The following PCDHA4 variants were observed in gnomAD, a reference collection of about 807,000 sequenced individuals.
The protein encoded by PCDHA4 is protocadherin alpha-4.
Under a neutral mutation model 61.4 loss-of-function variants are expected in PCDHA4, and 49 were observed. The ratio of observed to expected loss-of-function variants is 0.80; its 90% CI spans 0.63 to 1.01. The LOEUF is 1.01. Ranked by LOEUF, PCDHA4 falls within the 50% of genes least tolerant of loss-of-function variation. The pLI is 0.00. For synonymous variants in PCDHA4, 590 were observed against 550.3 expected, an observed-to-expected ratio of 1.07 and a Z score of -1.01; for missense variants, 1,254 against 1,235.8, an observed-to-expected ratio of 1.01 and a Z score of -0.22.
Position 140,870,951 on chromosome 5 carries a change from C to T in PCDHA4, c.2385+61379C>T, listed in dbSNP as rs781985952. 6 of 1,613,558 alleles carry T rather than the reference C, an allele frequency of 3.7e-6. No individual in the cohort carries two copies. The Admixed American group carries it at 1.0e-4, about 27-fold the overall frequency. ...ATGAATTGCAGCCGGCGGCGGGCGGCTCGCGCATCCCGTTCCGCGTGGGGC... is the reference window on the plus strand; with the variant it reads ...ATGAATTGCAGCCGGCGGCGGGCGGTTCGCGCATCCCGTTCCGCGTGGGGC... On this transcript the variant is annotated intron_variant, in intron 1 of 3. Transcript: ENST00000530339.
intron 1 of PCDHA4, chr5:140,877,824 A>G (rs1554170141): frequency 1.9e-6 from 3 of 1,602,118 alleles, no homozygotes; most frequent in Non-Finnish European, 2.6e-6. Flanking sequence ...AAGATTGTTT[A>G]AATCCTCCCA....
intron 3 of PCDHA4, among the ~76,000 whole-genome samples, chr5:140,994,821 T>C (rs2097651680): frequency 6.6e-6 from 1 of 152,052 alleles, no homozygotes. Flanking sequence ...AAAAACTGAA[T>C]TGTGTAGTCT....
chr5:140,894,375 T>A (rs1246573357), intron 1 of PCDHA4, among the ~76,000 whole-genome samples: 1 of 152,054 alleles, frequency 6.6e-6, no homozygotes, highest in African/African-American at 2.4e-5. Flanking sequence ...ATGGCTCCAA[T>A]TATATTTGTA....
intron 1 of PCDHA4, chr5:140,927,791 G>C: frequency 6.2e-7 from 1 of 1,614,196 alleles, no homozygotes; most frequent in Admixed American, 1.7e-5. Context: ...GCTTCACTAG[G>C]TCCGCCTGAA....
At chr5:140,971,895 T>C (rs1554233682) in intron 1 of PCDHA4, among the ~76,000 whole-genome samples, 2 of 151,872 alleles carry the variant, frequency 1.3e-5, no homozygotes, top group Non-Finnish European at 2.9e-5. Context: ...TCAGGGAGGT[T>C]AGGTAATCTA....
intron 1 of PCDHA4, chr5:140,830,680 T>C (rs2150188813): frequency 4.9e-5 from 17 of 346,496 alleles, no homozygotes; most frequent in African/African-American, 3.6e-4. Context: ...TAGAAATCAC[T>C]GTCCACAATC....
intron 1 of PCDHA4, chr5:140,823,879 G>A (rs1307861296): frequency 1.2e-6 from 2 of 1,613,898 alleles, no homozygotes; most frequent in African/African-American, 1.3e-5. Flanking sequence ...CCTGATCATC[G>A]CCATCTGTGC....
chr5:140,911,953 G>T (rs1554195050), intron 1 of PCDHA4, among the ~76,000 whole-genome samples: 1 of 152,094 alleles, frequency 6.6e-6, no homozygotes, highest in Non-Finnish European at 1.5e-5. Context: ...TAAAGGGGAG[G>T]TTACTAAGGA....
At chr5:140,849,620 C>T in intron 1 of PCDHA4, 2 of 1,598,618 alleles carry the variant, frequency 1.3e-6, no homozygotes, top group Non-Finnish European at 1.7e-6. Flanking sequence ...TTAGTGTGAT[C>T]GACCTAGACG....
chr5:140,950,685 A>T (rs947460709), intron 1 of PCDHA4, among the ~76,000 whole-genome samples: 3 of 152,082 alleles, frequency 2.0e-5, no homozygotes, highest in Non-Finnish European at 4.4e-5. Context: ...GTATATTGTT[A>T]ACCAAATTTG....
chr5:140,912,322 G>A (rs1050946341), intron 1 of PCDHA4, among the ~76,000 whole-genome samples: 10 of 149,938 alleles, frequency 6.7e-5, no homozygotes, highest in African/African-American at 1.7e-4. Flanking sequence ...TTGACCCTCA[G>A]TATTAACCAG....
intron 1 of PCDHA4, among the ~76,000 whole-genome samples, chr5:140,837,663 C>A (rs1159426304): frequency 6.6e-6 from 1 of 150,710 alleles, no homozygotes; most frequent in Non-Finnish European, 1.5e-5. Context: ...CTTTTTCTTT[C>A]ATTCTTTTTC....
At chr5:140,927,558 T>C (rs1554204736) in intron 1 of PCDHA4, 1 of 1,614,144 alleles carries the variant, frequency 6.2e-7, no homozygotes, top group East Asian at 2.2e-5. Context: ...TCACCATCAT[T>C]GTGGTGGACA....
chr5:140,832,192 A>C (rs1239863320), intron 1 of PCDHA4, among the ~76,000 whole-genome samples: 1 of 152,208 alleles, frequency 6.6e-6, no homozygotes, highest in East Asian at 1.9e-4. Context: ...AAGACATTTA[A>C]CCTGCTGAGT....
chr5:140,858,202 A>T (rs782325182), intron 1 of PCDHA4: 5 of 1,597,020 alleles, frequency 3.1e-6, no homozygotes. Context: ...TGTACACTGC[A>T]CTGAGGTGCT....
intron 1 of PCDHA4, chr5:140,882,841 A>G: frequency 6.2e-7 from 1 of 1,614,232 alleles, no homozygotes; most frequent in East Asian, 2.2e-5. Flanking sequence ...AAATGTCTTC[A>G]TTATCACTTG....
chr5:140,893,922 G>C (rs1179113151), intron 1 of PCDHA4, among the ~76,000 whole-genome samples: 4 of 152,156 alleles, frequency 2.6e-5, no homozygotes. Context: ...GTCTTTTTCA[G>C]AATCTCTACC....
chr5:140,870,263 C>T (rs1581940012), intron 1 of PCDHA4: 2 of 1,614,182 alleles, frequency 1.2e-6, no homozygotes, highest in East Asian at 4.5e-5. Flanking sequence ...GTGACCTGCT[C>T]GCTGACGCCC....
chr5:140,852,750 G>A (rs1477121492), intron 1 of PCDHA4: 2 of 984,026 alleles, frequency 2.0e-6, no homozygotes, highest in African/African-American at 3.5e-5. Flanking sequence ...TTTAAACTTG[G>A]ACCCAGGTAT....
Sources: gnomAD v4.1 joint callset for allele counts (sites outside exome capture counted in the v4.1 genomes callset) on GRCh38, gnomAD v4.1.1 for gene constraint, MANE v1.5 for transcripts, NCBI Gene and HGNC (gene_info 2026-07-23, HGNC 2026-07-21) for gene names.